Variants in WFDC2 observed in about 807,000 individuals in gnomAD.
The protein encoded by WFDC2 is WAP four-disulfide core domain protein 2.
A neutral mutation model predicts 12.5 loss-of-function variants in WFDC2; 8 were observed. The ratio of observed to expected loss-of-function variants is 0.64; its 90% CI spans 0.37 to 1.15. The LOEUF (loss-of-function observed/expected upper bound fraction) is 1.15. WFDC2 is among the 50% of genes most tolerant of loss of function. The pLI is 0.01. For missense variants in WFDC2, 166 were observed against 159.9 expected (o/e 1.04, Z -0.21); for synonymous variants, 74 against 67.2 (o/e 1.10, Z -0.49).
intron 2 of WFDC2, among the ~76,000 whole-genome samples, chr20:45,477,983 G>A (rs1014140687): frequency 6.6e-6 from 1 of 152,196 alleles, no homozygotes; most frequent in African/African-American, 2.4e-5. Flanking sequence ...GCCTACTCAA[G>A]CCTCAGTAAT....
Position 45,480,108 on chromosome 20 carries a change from A to G in WFDC2, c.*1+14A>G. On this transcript the variant is annotated intron_variant, in intron 3 of 3. Coordinates refer to ENST00000372676, the MANE Select transcript of WFDC2 (RefSeq NM_006103.4). The stretch of plus-strand genomic sequence containing the variant: ...CCAATTTCTGAGGTAAGTGAACGGG[A>G]AAGAGAAAGTGCATTGATGGCCAGG... The G allele has an allele frequency of 1.2e-6, 2 of 1,612,746 alleles. No homozygotes were observed. The highest frequency in any genetic ancestry group is 2.2e-5 in the South Asian group (2 of 91,062).
chr20:45,470,521 C>A lies in WFDC2; in HGVS notation c.212C>A (p.Ser71Tyr). The A allele has an allele frequency of 6.3e-7, 1 of 1,597,728 alleles. No homozygotes were observed. The highest frequency in any genetic ancestry group is 8.5e-7 in the Non-Finnish European group (1 of 1,171,806). The part of the protein sequence containing the change: ...CCSAGCATFC[S>Y]LPNDKEGSCP... ...AGCGCGGGCTGTGCCACCTTCTGCTCTCTGCCCAATGGTAACCCCACGGCG... is the reference window on the plus strand; with the variant it reads ...AGCGCGGGCTGTGCCACCTTCTGCTATCTGCCCAATGGTAACCCCACGGCG... The change falls in exon 2 of 4, where the codon TCT (serine) becomes TAT (tyrosine). Residue 71 changes from serine to tyrosine, a missense_variant. Physicochemically the swap from Ser to Tyr is moderately radical, Grantham distance 144. Coordinates refer to ENST00000372676, the MANE Select transcript of WFDC2 (RefSeq NM_006103.4). The surrounding 1 kb of genome is among the most constrained non-coding windows in gnomAD (Gnocchi z 5.4).
intron 2 of WFDC2, among the ~76,000 whole-genome samples, chr20:45,472,460 A>T (rs1251344513): frequency 6.6e-6 from 1 of 152,186 alleles, no homozygotes; most frequent in Non-Finnish European, 1.5e-5. Context: ...ATCATTTGTT[A>T]TGGCTGCATA....
chr20:45,477,914 T>C (rs553676367), intron 2 of WFDC2, among the ~76,000 whole-genome samples: 1 of 152,314 alleles, frequency 6.6e-6, no homozygotes, highest in South Asian at 2.1e-4. Context: ...CCGAGCTGTG[T>C]TGGGCTCTGC....
chr20:45,469,823 C>T lies in WFDC2; in HGVS notation c.42C>T (p.Leu14=), dbSNP rs746917053. 6.2e-7 allele frequency: 1 copy of T among 1,611,336 alleles called. No individual in the cohort carries two copies. Among genetic ancestry groups the T allele is most frequent in the Admixed American group, 1.7e-5 (1 of 59,794 alleles). The change falls in exon 1 of 4, where the codon CTC becomes CTT. Residue 14 remains leucine, a synonymous_variant. Transcript: ENST00000372676. The part of the protein sequence containing the change: ...CRLGPLAAAL[L]LSLLLFGFTL... ...TAGGCCCGCTAGCCGCCGCCCTCCTCCTCAGCCTGCTGCTGTTCGGCTTCA... is the reference window on the plus strand; with the variant it reads ...TAGGCCCGCTAGCCGCCGCCCTCCTTCTCAGCCTGCTGCTGTTCGGCTTCA...
At chr20:45,480,469 A>T (rs1339678362) in intron 3 of WFDC2, among the ~76,000 whole-genome samples, 3 of 148,620 alleles carry the variant, frequency 2.0e-5, no homozygotes, top group Non-Finnish European at 4.5e-5. Flanking sequence ...AAAAAAAAAA[A>T]TTTAATGGGT....
At chr20:45,479,722 A>G in intron 2 of WFDC2, 1 of 1,614,046 alleles carries the variant, frequency 6.2e-7, no homozygotes. Flanking sequence ...TTGGGACTCA[A>G]GCTGAGGTCC....
intron 2 of WFDC2, among the ~76,000 whole-genome samples, chr20:45,476,044 T>A (rs913194702): frequency 1.3e-5 from 2 of 152,184 alleles, no homozygotes; most frequent in East Asian, 1.9e-4. Flanking sequence ...TATTCCTCTA[T>A]CCCTTTATTT....
At chr20:45,477,254 G>T (rs1991244304) in intron 2 of WFDC2, among the ~76,000 whole-genome samples, 1 of 151,370 alleles carries the variant, frequency 6.6e-6, no homozygotes, top group African/African-American at 2.4e-5. Flanking sequence ...GAGAAGAGGT[G>T]TTCTGGTTTT....
chr20:45,470,492 C>T lies in WFDC2; in HGVS notation c.183C>T (p.Cys61=). Residue 61 remains cysteine, a synonymous_variant, in exon 2 of 4, where the codon TGC becomes TGT. Coordinates refer to ENST00000372676, the MANE Select transcript of WFDC2 (RefSeq NM_006103.4). The surrounding 1 kb of genome is among the most constrained non-coding windows in gnomAD (Gnocchi z 5.4). The part of the protein sequence containing the change: ...SDSECADNLK[C]CSAGCATFCS... Reference sequence around the variant, plus strand: ...GCGAATGCGCCGACAACCTCAAGTGCTGCAGCGCGGGCTGTGCCACCTTCT... The same window carrying T: ...GCGAATGCGCCGACAACCTCAAGTGTTGCAGCGCGGGCTGTGCCACCTTCT... 6.3e-7 allele frequency: 1 copy of T among 1,599,224 alleles called. No individual in the cohort carries two copies. The highest frequency in any genetic ancestry group is 8.5e-7 in the Non-Finnish European group (1 of 1,172,574).
intron 2 of WFDC2, among the ~76,000 whole-genome samples, chr20:45,475,774 G>C (rs1240193768): frequency 1.3e-5 from 2 of 152,230 alleles, no homozygotes; most frequent in African/African-American, 4.8e-5. Flanking sequence ...TTGACAGTGG[G>C]GGTTAAAGTT....
At chr20:45,472,387 TGTTA>T (rs1321656415) in intron 2 of WFDC2, among the ~76,000 whole-genome samples, 1 of 152,192 alleles carries the variant, frequency 6.6e-6, no homozygotes, top group Non-Finnish European at 1.5e-5. Context: ...TCTGTTCTTG[TGTTA>T]GTTTGCTGAG....
Position 45,469,830 on chromosome 20 carries a change from C to T in WFDC2, c.49C>T (p.Leu17=). The T allele has an allele frequency of 6.2e-7, 1 of 1,611,446 alleles. No homozygotes were observed. The highest frequency in any genetic ancestry group is 2.2e-5 in the East Asian group (1 of 44,824). Residue 17 remains leucine, a synonymous_variant, in exon 1 of 4, where the codon CTG becomes TTG. Coordinates refer to ENST00000372676, the MANE Select transcript of WFDC2 (RefSeq NM_006103.4). ...GPLAAALLLS[L]LLFGFTLVSG... Reference sequence around the variant, plus strand: ...GCTAGCCGCCGCCCTCCTCCTCAGCCTGCTGCTGTTCGGCTTCACCCTAGT... The same window carrying T: ...GCTAGCCGCCGCCCTCCTCCTCAGCTTGCTGCTGTTCGGCTTCACCCTAGT...
At chr20:45,469,962 A>C in intron 1 of WFDC2, 102 bp downstream of exon 1, 1 of 1,433,362 alleles carries the variant, frequency 7.0e-7, no homozygotes, top group South Asian at 1.3e-5. Flanking sequence ...GGGAAGTGGG[A>C]ATTCCGGGGG....
Position 45,470,495 on chromosome 20 carries a change from C to G in WFDC2, c.186C>G (p.Cys62Trp). ...AATGCGCCGACAACCTCAAGTGCTG[C>G]AGCGCGGGCTGTGCCACCTTCTGCT... Reference protein sequence around the residue: ...DSECADNLKCCSAGCATFCSL... With the variant: ...DSECADNLKCWSAGCATFCSL... The change falls in exon 2 of 4, where the codon TGC becomes TGG. Residue 62 changes from cysteine to tryptophan, a missense_variant. Transcript: ENST00000372676. The surrounding 1 kb of genome is among the most constrained non-coding windows in gnomAD (Gnocchi z 5.4). The G allele has an allele frequency of 1.9e-6, 3 of 1,599,598 alleles. No homozygotes were observed. In the South Asian group the frequency reaches 3.4e-5, roughly 18 times the overall value.
intron 2 of WFDC2, among the ~76,000 whole-genome samples, chr20:45,473,434 T>C (rs996508999): frequency 6.6e-6 from 1 of 152,254 alleles, no homozygotes; most frequent in Non-Finnish European, 1.5e-5. Context: ...ATTTATTAAA[T>C]AGGGAATCCT....
intron 3 of WFDC2, 100 bp downstream of exon 3, chr20:45,480,194 G>C: frequency 2.0e-6 from 3 of 1,534,640 alleles, no homozygotes; most frequent in Non-Finnish European, 2.6e-6. Context: ...TAGTTGCAGG[G>C]ACAGTTGGGA....
Position 45,479,998 on chromosome 20 carries a change from C to T in WFDC2, c.280C>T (p.Arg94Trp), listed in dbSNP as rs201499488. Residue 94 changes from arginine (R) to tryptophan (W), a missense_variant, in exon 3 of 4, where the codon CGG becomes TGG. By Grantham distance (101) the Arg-to-Trp change is moderately radical. Transcript: ENST00000372676. The part of the protein sequence containing the change: ...NINFPQLGLC[R>W]DQCQVDSQCP... ...TAACTTTCCCCAGCTCGGCCTCTGT[C>T]GGGACCAGTGCCAGGTGGACAGCCA... 114 of 1,614,232 alleles carry T rather than the reference C, an allele frequency of 7.1e-5. No individual in the cohort carries two copies. The African/African-American group carries it at 9.1e-4, about 13-fold the overall frequency.
At position 45,471,514 on chromosome 20, in the gene WFDC2, A is replaced by C. The variant is rs570053557; in HGVS notation, c.223+982A>C. On this transcript the variant is annotated intron_variant, in intron 2 of 3. Transcript: ENST00000372676. ...GCCAGCACAGGCTGGGAAGGTTTGT[A>C]ATACGGTGACCCAAGACACCGATCA... 5 of 169,100 alleles carry C rather than the reference A, an allele frequency of 3.0e-5. No homozygotes were observed. The Admixed American group carries it at 3.0e-4, about 10-fold the overall frequency. The allele number at this position is 169,100 out of a possible 1,614,324, so 10.5% of individuals were successfully genotyped here. A position where few individuals can be genotyped will look rare whatever the true frequency, so the allele number is the denominator to read the frequency against.
Sources: gnomAD v4.1 joint callset for allele counts (sites outside exome capture counted in the v4.1 genomes callset) on GRCh38, gnomAD v4.1.1 for gene constraint, Gnocchi (gnomAD v3.1) non-coding constraint, MANE v1.5 for transcripts, NCBI Gene and HGNC (gene_info 2026-07-23, HGNC 2026-07-21) for gene names.